Variants in MRC1 observed in about 807,000 individuals in gnomAD.
MRC1 encodes the protein mannose receptor C-type 1.
In MRC1, 62 loss-of-function variants were observed where a neutral mutation model predicts 102.9. The ratio of observed to expected loss-of-function variants is 0.60; its 90% CI spans 0.49 to 0.74. The LOEUF is 0.74. MRC1 is among the 30% of genes least tolerant of loss of function. The pLI is 0.00. For missense variants in MRC1, 1,237 were observed against 862.8 expected (o/e 1.43, Z -5.43); for synonymous variants, 457 against 298.4 (o/e 1.53, Z -5.48).
intron 23 of MRC1, among the ~76,000 whole-genome samples, chr10:17,896,939 C>A (rs1833762399): frequency 6.6e-6 from 1 of 152,088 alleles, no homozygotes; most frequent in Admixed American, 6.6e-5. Context: ...AGTAAAGAAC[C>A]AGATTGCAAA....
In MRC1 at chr10:17,898,132, C is replaced by T; in HGVS notation, c.3349C>T (p.His1117Tyr). Residue 1117 changes from histidine (H) to tyrosine (Y), a missense_variant, in exon 24 of 30, where the codon CAT becomes TAT. Coordinates refer to ENST00000569591, the MANE Select transcript of MRC1 (RefSeq NM_002438.4). ...ACTCATGAGACAAAAATTTCAATGG[C>T]ATGAAGCGGAGACATACTGCAAGCT... ...YSLMRQKFQW[H>Y]EAETYCKLHN... is the part of the protein sequence containing the mutation. 1 of 780,830 alleles carries T rather than the reference C, an allele frequency of 1.3e-6. No individual in the cohort carries two copies. Among genetic ancestry groups the T allele is most frequent in the South Asian group, 1.3e-5 (1 of 74,612 alleles). The allele number at this position is 780,830 out of a possible 1,614,324, so 48.4% of individuals were successfully genotyped here.
Position 17,827,591 on chromosome 10 carries a change from G to A in MRC1, c.513G>A (p.Pro171=), listed in dbSNP as rs1278489198. 2.6e-6 allele frequency: 2 copies of A among 780,748 alleles called. No homozygotes were observed. The highest frequency in any genetic ancestry group is 1.3e-5 in the South Asian group (1 of 74,606). The allele number at this position is 780,748 out of a possible 1,614,324, so 48.4% of individuals were successfully genotyped here. A position where few individuals can be genotyped will look rare whatever the true frequency, so the allele number is the denominator to read the frequency against. The change falls in exon 3 of 30, where the codon CCG becomes CCA. Residue 171 remains proline, a synonymous_variant. Transcript: ENST00000569591. ...GNANGATCAF[P]FKFENKWYAD... ...CCAATGGAGCAACCTGTGCATTCCC[G>A]TTCAAGTTTGAAAACAAGTGGTACG...
chr10:17,851,765 AG>A (rs1838920953), intron 7 of MRC1, among the ~76,000 whole-genome samples: 2 of 152,246 alleles, frequency 1.3e-5, no homozygotes. Flanking sequence ...TGAAAGGAGA[AG>A]AGGATCATCC....
At chr10:17,813,669 A>G (rs1554837602) in intron 1 of MRC1, among the ~76,000 whole-genome samples, 1 of 140,480 alleles carries the variant, frequency 7.1e-6, no homozygotes, top group East Asian at 2.0e-4. Context: ...ATATACACAC[A>G]CACACACACA....
At chr10:17,854,327 A>G (rs1252518403) in intron 8 of MRC1, among the ~76,000 whole-genome samples, 1 of 152,092 alleles carries the variant, frequency 6.6e-6, no homozygotes, top group Non-Finnish European at 1.5e-5. Flanking sequence ...AATTTTTGTC[A>G]TTGTGGTTGT....
intron 21 of MRC1, among the ~76,000 whole-genome samples, chr10:17,883,735 G>T (rs1447283589): frequency 3.9e-5 from 6 of 152,202 alleles, no homozygotes; most frequent in Admixed American, 3.9e-4. Flanking sequence ...GCAAAGTGTT[G>T]TTCAGTAGAG....
intron 22 of MRC1, among the ~76,000 whole-genome samples, chr10:17,889,087 A>G (rs1177134556): frequency 6.6e-6 from 1 of 152,144 alleles, no homozygotes; most frequent in Non-Finnish European, 1.5e-5. Flanking sequence ...TAGCTGGTCT[A>G]GCTTTCTTTT....
intron 24 of MRC1, among the ~76,000 whole-genome samples, chr10:17,899,066 T>G (rs1388447596): frequency 6.7e-6 from 1 of 149,776 alleles, no homozygotes; most frequent in Non-Finnish European, 1.5e-5. Context: ...TTTATAGATA[T>G]AGTCTAGGAT....
At chr10:17,889,530 T>G (rs1455143154) in intron 22 of MRC1, among the ~76,000 whole-genome samples, 1 of 152,190 alleles carries the variant, frequency 6.6e-6, no homozygotes, top group African/African-American at 2.4e-5. Context: ...CCTCCCAAAG[T>G]ACTGGGATTA....
intron 6 of MRC1, among the ~76,000 whole-genome samples, chr10:17,848,208 A>C (rs1232769807): frequency 6.6e-6 from 1 of 152,306 alleles, no homozygotes; most frequent in Admixed American, 6.5e-5. Flanking sequence ...AACATTTAAT[A>C]TGAGCTTAAA....
rs1306245613 is a variant in MRC1 at position 17,820,356 on chromosome 10, G to A, written c.62-2718G>A. Among the ~76,000 whole-genome samples, 3 of 151,946 alleles carry A rather than the reference G, an allele frequency of 2.0e-5. No individual in the cohort carries two copies. The East Asian group carries it at 5.8e-4, about 29-fold the overall frequency. On this transcript the variant is annotated intron_variant, in intron 1 of 29. Transcript: ENST00000569591. ...AGATCTCGGGGGATGGTGGTGCCAA[G>A]AATTAGAAAGAGAAGTTTGGATGTT...
Position 17,880,635 on chromosome 10 carries a change from G to C in MRC1, c.2830G>C (p.Gly944Arg). Reference sequence around the variant, plus strand: ...GCCTACCATGCCCTCGGTCCCATCAGGGTGCAAGGAAGGTTGGAATTTCTA... The same window carrying C: ...GCCTACCATGCCCTCGGTCCCATCACGGTGCAAGGAAGGTTGGAATTTCTA... ...VMPTMPSVPSGCKEGWNFYSN... is the reference protein window; with the variant it reads ...VMPTMPSVPSRCKEGWNFYSN... Residue 944 changes from glycine to arginine, a missense_variant, in exon 20 of 30, where the codon GGG becomes CGG. Coordinates refer to ENST00000569591, the MANE Select transcript of MRC1 (RefSeq NM_002438.4). The C allele has an allele frequency of 2.6e-6, 2 of 780,774 alleles. 1 individual carries two copies. The highest frequency in any genetic ancestry group is 2.7e-5 in the South Asian group (2 of 74,606). The allele number at this position is 780,774 out of a possible 1,614,324, so 48.4% of individuals were successfully genotyped here. A position where few individuals can be genotyped will look rare whatever the true frequency, so the allele number is the denominator to read the frequency against.
In MRC1 at chr10:17,829,015, C is replaced by T. The variant is rs1189834285; in HGVS notation, c.637+1300C>T. Among the ~76,000 whole-genome samples, 3 of 151,538 alleles carry T rather than the reference C, an allele frequency of 2.0e-5. No homozygotes were observed. In the East Asian group the frequency reaches 5.8e-4, roughly 29 times the overall value. ...GGCTCCACCCTTCCCAAACTTCTTACCCCCGACCTCTCACCTGCTACTTTA... is the reference window on the plus strand; with the variant it reads ...GGCTCCACCCTTCCCAAACTTCTTATCCCCGACCTCTCACCTGCTACTTTA... On this transcript the variant is annotated intron_variant, in intron 3 of 29. Transcript: ENST00000569591.
Position 17,827,579 on chromosome 10 carries a change from C to T in MRC1, c.501C>T (p.Thr167=). ...TACTAGGCAATGCCAATGGAGCAAC[C>T]TGTGCATTCCCGTTCAAGTTTGAAA... is the stretch of plus-strand genomic sequence containing the variant. The part of the protein sequence containing the change: ...YTLLGNANGA[T]CAFPFKFENK... The change falls in exon 3 of 30, where the codon ACC becomes ACT. Residue 167 remains threonine (T), a synonymous_variant. Coordinates refer to ENST00000569591, the MANE Select transcript of MRC1 (RefSeq NM_002438.4). The T allele has an allele frequency of 7.7e-6, 6 of 780,792 alleles. No homozygotes were observed. Among genetic ancestry groups the T allele is most frequent in the South Asian group, 1.3e-5 (1 of 74,610 alleles). 48.4% of individuals were successfully genotyped at this position (780,792 alleles called of 1,614,324 possible).
At chr10:17,834,171 A>G (rs1838625286) in intron 4 of MRC1, among the ~76,000 whole-genome samples, 1 of 152,166 alleles carries the variant, frequency 6.6e-6, no homozygotes, top group African/African-American at 2.4e-5. Context: ...CTGGTCAAGT[A>G]TCCATCATCC....
intron 6 of MRC1, among the ~76,000 whole-genome samples, chr10:17,848,106 C>G (rs1236960264): frequency 6.6e-6 from 1 of 152,108 alleles, no homozygotes; most frequent in Admixed American, 6.6e-5. Context: ...TTCAGATACT[C>G]TCCACCTTTA....
At chr10:17,876,150 C>G (rs1833433936) in intron 17 of MRC1, among the ~76,000 whole-genome samples, 1 of 151,658 alleles carries the variant, frequency 6.6e-6, no homozygotes, top group Non-Finnish European at 1.5e-5. Context: ...CTCCAAAGGT[C>G]AAGGTAAAGA....
At chr10:17,874,830 T>G (rs1365042332) in intron 16 of MRC1, among the ~76,000 whole-genome samples, 1 of 152,106 alleles carries the variant, frequency 6.6e-6, no homozygotes, top group African/African-American at 2.4e-5. Flanking sequence ...ACACCCGGAG[T>G]TCTTTTACCC....
chr10:17,824,368 TG>T (rs1838442299), intron 2 of MRC1, among the ~76,000 whole-genome samples: 1 of 152,208 alleles, frequency 6.6e-6, no homozygotes, highest in Non-Finnish European at 1.5e-5. Context: ...AGCCTACTTT[TG>T]GGGACAAGAG....
Sources: allele counts gnomAD v4.1 joint callset (sites outside exome capture counted in the v4.1 genomes callset), GRCh38; gene constraint gnomAD v4.1.1; transcripts MANE v1.5; gene names NCBI Gene and HGNC (gene_info 2026-07-23, HGNC 2026-07-21).